The following MARCHF4 variants were observed in gnomAD, a reference collection of about 807,000 sequenced individuals.
MARCHF4 encodes E3 ubiquitin-protein ligase MARCHF4.
Under a neutral mutation model 43.9 loss-of-function variants are expected in MARCHF4, and 14 were observed. The observed-to-expected ratio is 0.32, with a 90% CI of 0.21 to 0.50. The LOEUF is 0.50. Among genes scored for constraint, MARCHF4 ranks in the 20% least tolerant of loss-of-function variants. MARCHF4 has a pLI of 0.98. For missense variants in MARCHF4, 468 were observed against 536.7 expected (o/e 0.87, Z 1.27); for synonymous variants, 226 against 213.3 (o/e 1.06, Z -0.52).
intron 1 of MARCHF4, among the ~76,000 whole-genome samples, chr2:216,328,056 C>T (rs780041863): frequency 1.3e-5 from 2 of 152,052 alleles, no homozygotes; most frequent in Non-Finnish European, 2.9e-5. Flanking sequence ...CATAGATCAG[C>T]TTATAATCCC....
rs111286697 is a variant in MARCHF4, at chr2:216,367,449, G to GA, written c.516+2295dup. On this transcript the variant is annotated intron_variant, in intron 1 of 3. Transcript: ENST00000273067. ...TTTGTCTCCTTCATAGAAATGCTGTGAAAAAAAAAATGAGAAGAAACTGGG... is the reference window on the plus strand; with the variant it reads ...TTTGTCTCCTTCATAGAAATGCTGTGAAAAAAAAAAATGAGAAGAAACTGGG... 1.0e-3 allele frequency among the ~76,000 whole-genome samples: 152 copies of GA among 148,742 alleles called. 5 individuals are homozygous for GA. The South Asian group carries it at 0.024, about 24-fold the overall frequency.
At chr2:216,266,901 C>T (rs206365) in intron 3 of MARCHF4, among the ~76,000 whole-genome samples, 1,712 of 152,274 alleles carry the variant, frequency 0.011, 25 homozygotes, top group African/African-American at 0.039. Context: ...CCAGGCTACA[C>T]GTCACATGAG....
chr2:216,355,934 C>A (rs931519997), intron 1 of MARCHF4, among the ~76,000 whole-genome samples: 9 of 152,134 alleles, frequency 5.9e-5, no homozygotes, highest in African/African-American at 2.2e-4. Context: ...GAAGGGACGC[C>A]TCTACACCCT....
Position 216,279,059 on chromosome 2 carries a change from C to T in MARCHF4, c.673-1195G>A, listed in dbSNP as rs573418367. ...GAGCTTATAGTCTAGGGAACTTAGA[C>T]AACAATATAATTATTCGAACCTGCA... On this transcript the variant is annotated intron_variant, in intron 2 of 3. Transcript: ENST00000273067. Among the ~76,000 whole-genome samples, 4 of 152,266 alleles carry T rather than the reference C, an allele frequency of 2.6e-5. No homozygotes were observed. In the South Asian group the frequency reaches 6.2e-4, roughly 24 times the overall value.
At chr2:216,293,568 T>C (rs887086406) in intron 1 of MARCHF4, among the ~76,000 whole-genome samples, 1 of 86,236 alleles carries the variant, frequency 1.2e-5, no homozygotes, top group African/African-American at 5.8e-5. Context: ...ATCATTTCAA[T>C]GTAAAAAAAA....
At chr2:216,350,352 T>C (rs1228391942) in intron 1 of MARCHF4, among the ~76,000 whole-genome samples, 11 of 113,058 alleles carry the variant, frequency 9.7e-5, no homozygotes, top group Non-Finnish European at 1.6e-4. Context: ...CCACACTCCT[T>C]CATTACGCCA....
At chr2:216,260,844 G>A (rs1440613017) in intron 3 of MARCHF4, among the ~76,000 whole-genome samples, 2 of 152,216 alleles carry the variant, frequency 1.3e-5, no homozygotes, top group Non-Finnish European at 2.9e-5. Flanking sequence ...AGCCAAGCAG[G>A]AAGCAGTGAT....
chr2:216,263,555 GAAGA>G (rs1257041456), intron 3 of MARCHF4, among the ~76,000 whole-genome samples: 3 of 150,176 alleles, frequency 2.0e-5, no homozygotes, highest in African/African-American at 7.4e-5. Flanking sequence ...GAGAGAGAAA[GAAGA>G]AAAAGAAAGA....
chr2:216,278,963 T>C (rs1007310305), intron 2 of MARCHF4, among the ~76,000 whole-genome samples: 2 of 152,208 alleles, frequency 1.3e-5, no homozygotes, highest in Non-Finnish European at 2.9e-5. Flanking sequence ...GTATTTTCTA[T>C]GTGCTGGCCA....
intron 1 of MARCHF4, among the ~76,000 whole-genome samples, chr2:216,324,831 A>G (rs893433743): frequency 6.1e-5 from 8 of 131,490 alleles, no homozygotes; most frequent in African/African-American, 9.6e-5. Flanking sequence ...AATAAGAGCT[A>G]TCTATGACAA....
chr2:216,350,133 C>T (rs1401735871), intron 1 of MARCHF4, among the ~76,000 whole-genome samples: 3 of 152,144 alleles, frequency 2.0e-5, no homozygotes, highest in East Asian at 3.9e-4. Context: ...CGATGCCACG[C>T]CATGCCACAC....
intron 1 of MARCHF4, chr2:216,303,791 GTT>G (rs1270470898): frequency 1.3e-5 from 2 of 152,296 alleles, no homozygotes; most frequent in South Asian, 4.1e-4. Flanking sequence ...TAGTCTGACA[GTT>G]TTTTATATTT....
At chr2:216,264,098 C>A (rs191174515) in intron 3 of MARCHF4, among the ~76,000 whole-genome samples, 1 of 152,132 alleles carries the variant, frequency 6.6e-6, no homozygotes, top group South Asian at 2.1e-4. Context: ...TTGCAAATCT[C>A]GGAGACCAGA....
At chr2:216,301,411 A>G (rs1258499457) in intron 1 of MARCHF4, among the ~76,000 whole-genome samples, 1 of 152,226 alleles carries the variant, frequency 6.6e-6, no homozygotes, top group Non-Finnish European at 1.5e-5. Context: ...GAGAAGCACC[A>G]CATAGTTACT....
At chr2:216,325,476 AT>A (rs1691973373) in intron 1 of MARCHF4, among the ~76,000 whole-genome samples, 1 of 152,192 alleles carries the variant, frequency 6.6e-6, no homozygotes, top group African/African-American at 2.4e-5. Context: ...TTTAAAGTTC[AT>A]ATGGAACCAA....
chr2:216,303,655 G>A (rs1374662389), intron 1 of MARCHF4: 1 of 152,166 alleles, frequency 6.6e-6, no homozygotes, highest in Non-Finnish European at 1.5e-5. Context: ...TCTGAGGAAG[G>A]TTAGGTAAGT....
intron 1 of MARCHF4, among the ~76,000 whole-genome samples, chr2:216,331,128 C>G (rs1034819827): frequency 1.3e-5 from 2 of 152,004 alleles, no homozygotes; most frequent in African/African-American, 2.4e-5. Flanking sequence ...TCTAACAAGA[C>G]TCGTCAAGAC....
In MARCHF4 at chr2:216,371,225, A is replaced by T. The variant is rs1574491164; in HGVS notation, c.-965T>A. 1 of 152,786 alleles carries T rather than the reference A, an allele frequency of 6.5e-6. No individual in the cohort carries two copies. The highest frequency in any genetic ancestry group is 2.4e-5 in the African/African-American group (1 of 41,560). 9.5% of individuals were successfully genotyped at this position (152,786 alleles called of 1,614,324 possible). ...GCAGTGGAGCAGAGAATAGGGGTAGAGGAGAGGGGCGTGTGGGAGAGAACA... is the reference window on the plus strand; with the variant it reads ...GCAGTGGAGCAGAGAATAGGGGTAGTGGAGAGGGGCGTGTGGGAGAGAACA... On this transcript the variant is annotated 5_prime_UTR_variant, in exon 1 of 4. Coordinates refer to ENST00000273067, the MANE Select transcript of MARCHF4 (RefSeq NM_020814.3).
intron 1 of MARCHF4, among the ~76,000 whole-genome samples, chr2:216,348,576 C>T (rs1490431331): frequency 6.6e-6 from 1 of 152,142 alleles, no homozygotes; most frequent in Non-Finnish European, 1.5e-5. Flanking sequence ...AAAGGGGAGG[C>T]ATGAATAATC....
Sources: gnomAD v4.1 joint callset for allele counts (sites outside exome capture counted in the v4.1 genomes callset) on GRCh38, gnomAD v4.1.1 for gene constraint, MANE v1.5 for transcripts, NCBI Gene and HGNC (gene_info 2026-07-23, HGNC 2026-07-21) for gene names.